VCL: variants seen among roughly 807,000 people sequenced by gnomAD.
The protein encoded by VCL is vinculin.
VCL carries 47 observed loss-of-function variants against 125.7 expected under a neutral mutation model. The observed-to-expected ratio is 0.37, with a 90% CI of 0.30 to 0.48. VCL has a LOEUF of 0.48. Among genes scored for constraint, VCL ranks in the 20% least tolerant of loss-of-function variants. The probability of loss-of-function intolerance (pLI) is 0.99; values close to 1 mark genes in which losing one functional copy is unlikely to be tolerated. For missense variants in VCL, 1,069 were observed against 1,455.5 expected, an observed-to-expected ratio of 0.73 and a Z score of 4.32; for synonymous variants, 458 against 514.6, an observed-to-expected ratio of 0.89 and a Z score of 1.49.
rs1185674557 is a variant in VCL at position 74,089,281 on chromosome 10, G to C, written c.1108G>C (p.Ala370Pro). Residue 370 changes from alanine to proline, a missense_variant, in exon 9 of 22, where the codon GCA becomes CCA. Around this residue, in one of 6 missense-constraint regions of VCL, gnomAD observed 760 missense variants for 928.9 expected, o/e 0.82. Transcript: ENST00000211998. ...LDVLTAKVEN[A>P]ARKLEAMTNS... ...TGTGCTCACAGCAAAAGTGGAAAATGCAGCTCGCAAGCTGGAAGCCATGAC... is the reference window on the plus strand; with the variant it reads ...TGTGCTCACAGCAAAAGTGGAAAATCCAGCTCGCAAGCTGGAAGCCATGAC... 4 of 1,614,066 alleles carry C rather than the reference G, an allele frequency of 2.5e-6. No individual in the cohort carries two copies. The East Asian group carries it at 8.9e-5, about 36-fold the overall frequency.
intron 1 of VCL, among the ~76,000 whole-genome samples, chr10:74,023,646 C>G (rs1591656885): frequency 6.6e-6 from 1 of 152,180 alleles, no homozygotes; most frequent in East Asian, 1.9e-4. Flanking sequence ...TGTTCAATAT[C>G]TAGGCTGCAG....
At chr10:74,101,648 C>T (rs866058115) in intron 14 of VCL, among the ~76,000 whole-genome samples, 8 of 149,538 alleles carry the variant, frequency 5.3e-5, no homozygotes, top group Admixed American at 1.3e-4. Context: ...CTCCGCTTCC[C>T]GGGTTCACGC....
intron 13 of VCL, among the ~76,000 whole-genome samples, chr10:74,100,436 GT>G (rs1488730680): frequency 2.6e-5 from 4 of 152,210 alleles, no homozygotes; most frequent in Non-Finnish European, 5.9e-5. Context: ...CAATGGCAGA[GT>G]TTTTACAACA....
intron 1 of VCL, among the ~76,000 whole-genome samples, chr10:74,006,129 G>T (rs112560996): frequency 6.6e-6 from 1 of 151,876 alleles, no homozygotes. Flanking sequence ...CAGGTGATCC[G>T]CTCGCCTCGG....
chr10:74,107,666 T>C (rs566261211), intron 17 of VCL, among the ~76,000 whole-genome samples: 26 of 152,160 alleles, frequency 1.7e-4, no homozygotes, highest in Non-Finnish European at 2.5e-4. Flanking sequence ...AGGTAGTGCA[T>C]TGTGGTAAAA....
chr10:74,090,711 C>T (rs754644311), intron 10 of VCL, among the ~76,000 whole-genome samples: 2 of 152,156 alleles, frequency 1.3e-5, no homozygotes, highest in Non-Finnish European at 2.9e-5. Context: ...CTTGTAACAA[C>T]AGCCTCCCCA....
intron 1 of VCL, among the ~76,000 whole-genome samples, chr10:74,011,341 G>A (rs922344452): frequency 2.0e-5 from 3 of 152,124 alleles, no homozygotes; most frequent in Non-Finnish European, 4.4e-5. Context: ...AAGTCCCTTG[G>A]TAAATGTAGA....
intron 1 of VCL, among the ~76,000 whole-genome samples, chr10:74,029,156 C>T (rs1564512383): frequency 6.6e-6 from 1 of 151,046 alleles, no homozygotes; most frequent in African/African-American, 2.4e-5. Context: ...CTCTATCACC[C>T]AGGCTGGAGT....
chr10:74,009,045 T>C (rs1042198319), intron 1 of VCL, among the ~76,000 whole-genome samples: 1 of 152,130 alleles, frequency 6.6e-6, no homozygotes, highest in African/African-American at 2.4e-5. Flanking sequence ...GACTGAAAGA[T>C]AGAGAAGAAA....
intron 19 of VCL, among the ~76,000 whole-genome samples, chr10:74,113,375 G>A (rs531637899): frequency 6.6e-6 from 1 of 152,286 alleles, no homozygotes; most frequent in Non-Finnish European, 1.5e-5. Context: ...CCTGAATCAC[G>A]ACTTTTATTT....
chr10:74,033,878 T>C (rs1840927378), intron 1 of VCL, among the ~76,000 whole-genome samples: 1 of 152,210 alleles, frequency 6.6e-6, no homozygotes, highest in Non-Finnish European at 1.5e-5. Context: ...CCTAGATTTC[T>C]GTCTCACCCT....
chr10:74,084,134 G>A (rs1027857503), intron 8 of VCL, among the ~76,000 whole-genome samples: 4 of 152,094 alleles, frequency 2.6e-5, no homozygotes, highest in Non-Finnish European at 5.9e-5. Flanking sequence ...CAAAGTGCTG[G>A]GATTACAGGA....
intron 2 of VCL, among the ~76,000 whole-genome samples, chr10:74,048,624 A>G (rs1022866378): frequency 3.3e-5 from 5 of 152,114 alleles, no homozygotes; most frequent in African/African-American, 1.2e-4. Context: ...AATGTTTTAT[A>G]TATAATTGAT....
chr10:74,101,227 T>A, intron 14 of VCL, 130 bp downstream of exon 14: 1 of 1,330,056 alleles, frequency 7.5e-7, no homozygotes, highest in Non-Finnish European at 1.0e-6. Flanking sequence ...CGGTAGCACC[T>A]ATAATTCCGG....
chr10:74,113,181 T>G (rs748343038), intron 19 of VCL, among the ~76,000 whole-genome samples: 5 of 152,216 alleles, frequency 3.3e-5, no homozygotes, highest in Non-Finnish European at 7.3e-5. Context: ...GACTTTTAGC[T>G]AGTTTTGAAC....
At chr10:74,088,375 T>G (rs1839821649) in intron 8 of VCL, among the ~76,000 whole-genome samples, 1 of 152,218 alleles carries the variant, frequency 6.6e-6, no homozygotes, top group Non-Finnish European at 1.5e-5. Context: ...AGGAACTTGA[T>G]GGGAAACAGT....
chr10:74,067,088 A>AAGGG (rs1191341571), intron 2 of VCL, among the ~76,000 whole-genome samples: 3 of 152,212 alleles, frequency 2.0e-5, no homozygotes, highest in Non-Finnish European at 4.4e-5. Context: ...CCTCAATGGA[A>AAGGG]ATTAACACTA....
intron 21 of VCL, among the ~76,000 whole-genome samples, chr10:74,115,786 A>G (rs1473474139): frequency 2.0e-5 from 3 of 152,228 alleles, no homozygotes; most frequent in Non-Finnish European, 4.4e-5. Flanking sequence ...TTTCTCTGAT[A>G]GAGATAGAAA....
intron 17 of VCL, 87 bp downstream of exon 17, chr10:74,107,441 A>G: frequency 1.2e-6 from 2 of 1,600,952 alleles, no homozygotes; most frequent in Non-Finnish European, 1.7e-6. Flanking sequence ...TAGAGCCTCC[A>G]TCACTAGGTG....
Sources: allele counts gnomAD v4.1 joint callset (sites outside exome capture counted in the v4.1 genomes callset), GRCh38; gene constraint gnomAD v4.1.1; regional missense constraint gnomAD v4.1.1; transcripts MANE v1.5; gene names NCBI Gene and HGNC (gene_info 2026-07-23, HGNC 2026-07-21).